Variants in SFMBT1 observed in about 807,000 individuals in gnomAD.
The protein encoded by SFMBT1 is Scm like with four mbt domains 1, also known as scm-like with four MBT domains protein 1.
In SFMBT1, 32 loss-of-function variants were observed where a neutral mutation model predicts 108.7. The observed-to-expected ratio is 0.29, with a 90% CI of 0.22 to 0.40. The LOEUF is 0.40. SFMBT1 is among the 10% of genes least tolerant of loss of function. SFMBT1 has a pLI of 1.00. For synonymous variants in SFMBT1, 348 were observed against 369.5 expected, an observed-to-expected ratio of 0.94 and a Z score of 0.67; for missense variants, 816 against 1,059.6, an observed-to-expected ratio of 0.77 and a Z score of 3.19.
chr3:52,962,797 G>C (rs886149940), intron 2 of SFMBT1, among the ~76,000 whole-genome samples: 1 of 76,692 alleles, frequency 1.3e-5, no homozygotes, highest in African/African-American at 5.4e-5. Flanking sequence ...ACAGAGCAAG[G>C]CTCCCTGTCT....
At chr3:52,945,136 T>TGAAAAAAAAAAAAAAAAAAAA in intron 3 of SFMBT1, among the ~76,000 whole-genome samples, 1 of 48,512 alleles carries the variant, frequency 2.1e-5, no homozygotes, top group South Asian at 1.3e-3. Context: ...ACCTTCCAAT[T>TGAAAAAAAAAAAAAAAAAAAA]AAAAAAAAAA....
intron 1 of SFMBT1, among the ~76,000 whole-genome samples, chr3:53,038,810 G>A (rs1457526473): frequency 6.6e-6 from 1 of 152,192 alleles, no homozygotes; most frequent in Non-Finnish European, 1.5e-5. Flanking sequence ...AAACAAGAGT[G>A]AAATATGGCA....
chr3:53,035,753 C>T (rs1214697746), intron 1 of SFMBT1, among the ~76,000 whole-genome samples: 1 of 152,186 alleles, frequency 6.6e-6, no homozygotes, highest in Non-Finnish European at 1.5e-5. Context: ...CATGTCACCA[C>T]GCCCAGCTAA....
chr3:52,956,540 G>A lies in SFMBT1; in HGVS notation c.29-2129C>T, dbSNP rs543146572. Among the ~76,000 whole-genome samples the A allele has an allele frequency of 6.8e-4, 103 of 152,010 alleles. 2 individuals carry two copies. The highest frequency in any genetic ancestry group is 3.4e-3 in the Middle Eastern group (1 of 294). ...CTTTGGAAGGCCGAGGCTGGTGGACGACAAGGTCAGGAGTTTGAGACCAGC... is the reference window on the plus strand; with the variant it reads ...CTTTGGAAGGCCGAGGCTGGTGGACAACAAGGTCAGGAGTTTGAGACCAGC... On this transcript the variant is annotated intron_variant, in intron 2 of 20. Coordinates refer to ENST00000394752, the MANE Select transcript of SFMBT1 (RefSeq NM_016329.4).
At chr3:53,004,751 C>T (rs1012670654) in intron 1 of SFMBT1, among the ~76,000 whole-genome samples, 1 of 149,916 alleles carries the variant, frequency 6.7e-6, no homozygotes, top group African/African-American at 2.4e-5. Context: ...CTTCAGGAGC[C>T]TTCATTCACC....
chr3:52,957,893 G>A (rs772146432), intron 2 of SFMBT1, among the ~76,000 whole-genome samples: 1 of 152,132 alleles, frequency 6.6e-6, no homozygotes, highest in Non-Finnish European at 1.5e-5. Context: ...TCAAGGCATA[G>A]GCATGAGCAA....
chr3:52,926,865 AAG>A (rs1281880055), intron 9 of SFMBT1, among the ~76,000 whole-genome samples: 5 of 152,048 alleles, frequency 3.3e-5, no homozygotes, highest in African/African-American at 1.2e-4. Flanking sequence ...TAGGCTACTC[AAG>A]TCTATGCCCT....
chr3:53,022,202 T>C (rs996847142), intron 1 of SFMBT1, among the ~76,000 whole-genome samples: 1 of 152,056 alleles, frequency 6.6e-6, no homozygotes, highest in Non-Finnish European at 1.5e-5. Context: ...GTAATCCCAG[T>C]GATTTGGGAG....
Position 52,926,102 on chromosome 3 carries a change from G to C in SFMBT1, c.1060C>G (p.Gln354Glu), listed in dbSNP as rs1412146966. 1 of 1,605,062 alleles carries C rather than the reference G, an allele frequency of 6.2e-7. No homozygotes were observed. The highest frequency in any genetic ancestry group is 1.7e-5 in the Admixed American group (1 of 58,426). ...AGGTAGTCAGCCCAGTCAAAGTCCT[G>C]GCTTGGGTAGCCTAGGTGGGGACAA... ...HISPPPGYPS[Q>E]DFDWADYLKQ... is the part of the protein sequence containing the mutation. The change falls in exon 10 of 21, where the codon CAG becomes GAG. Residue 354 changes from glutamine to glutamate, a missense_variant. Gln to Glu is a conservative substitution (Grantham distance 29). Transcript: ENST00000394752.
intron 9 of SFMBT1, 28 bp from the exon 10 acceptor site, chr3:52,926,141 C>A: frequency 6.3e-7 from 1 of 1,590,144 alleles, no homozygotes; most frequent in South Asian, 1.1e-5. Flanking sequence ...AACAATGAGT[C>A]ACACTACCAC....
chr3:53,028,194 G>A (rs1699560957), intron 1 of SFMBT1, among the ~76,000 whole-genome samples: 2 of 152,120 alleles, frequency 1.3e-5, no homozygotes, highest in Non-Finnish European at 2.9e-5. Context: ...TGATCTTCCT[G>A]CCTCAACCAC....
intron 2 of SFMBT1, among the ~76,000 whole-genome samples, chr3:52,955,859 C>T (rs1339468420): frequency 6.6e-6 from 1 of 152,132 alleles, no homozygotes; most frequent in Admixed American, 6.6e-5. Context: ...TTTATGAGGC[C>T]AGCATCATCC....
intron 2 of SFMBT1, among the ~76,000 whole-genome samples, chr3:52,966,493 T>C (rs1180027991): frequency 2.8e-5 from 4 of 144,442 alleles, no homozygotes; most frequent in African/African-American, 2.6e-5. Flanking sequence ...AGCGTGGTGG[T>C]GGGCGCCTGT....
In SFMBT1 at chr3:53,002,330, C is replaced by T. The variant is rs533953193; in HGVS notation, c.-130-33072G>A. On this transcript the variant is annotated intron_variant, in intron 1 of 20. Coordinates refer to ENST00000394752, the MANE Select transcript of SFMBT1 (RefSeq NM_016329.4). The stretch of plus-strand genomic sequence containing the variant: ...AGGAGAATGGCGTGAACCCGGGAGG[C>T]GAAGCTTGCAGTGAGCCAAGATCGC... 1.1e-4 allele frequency among the ~76,000 whole-genome samples: 16 copies of T among 142,632 alleles called. 2 individuals carry two copies. The highest frequency in any genetic ancestry group is 2.3e-4 in the Non-Finnish European group (15 of 65,464). 93.6% of individuals were successfully genotyped at this position (142,632 alleles called of 152,430 possible).
chr3:52,916,181 C>G lies in SFMBT1; in HGVS notation c.1449G>C (p.Leu483=). 6 of 1,614,052 alleles carry G rather than the reference C, an allele frequency of 3.7e-6. No individual in the cohort carries two copies. The highest frequency in any genetic ancestry group is 3.4e-6 in the Non-Finnish European group (4 of 1,179,986). Residue 483 remains leucine, a synonymous_variant, in exon 14 of 21, where the codon CTG becomes CTC. Coordinates refer to ENST00000394752, the MANE Select transcript of SFMBT1 (RefSeq NM_016329.4). ...VPSSRTVHEG[L]RNQELNSTES... ...CTGTGGAGTTCAGCTCCTGATTCCT[C>G]AGGCCCTCGTGGACAGTCCTCGAGG...
chr3:53,045,371 G>A (rs1198276580), intron 1 of SFMBT1: 1 of 142,794 alleles, frequency 7.0e-6, no homozygotes, highest in African/African-American at 2.5e-5. Context: ...GGCGGAGCGC[G>A]GGGCGCGCGC....
chr3:52,928,469 T>C (rs1702727240), intron 8 of SFMBT1, 128 bp from the exon 9 acceptor site: 1 of 915,094 alleles, frequency 1.1e-6, no homozygotes, highest in South Asian at 1.7e-5. Flanking sequence ...ACACTAAATG[T>C]TAGCTCTGTG....
intron 1 of SFMBT1, among the ~76,000 whole-genome samples, chr3:52,975,973 C>T (rs1704505046): frequency 6.6e-6 from 1 of 151,842 alleles, no homozygotes; most frequent in Non-Finnish European, 1.5e-5. Flanking sequence ...ATCATGCCGC[C>T]GCACTCCAAC....
intron 4 of SFMBT1, among the ~76,000 whole-genome samples, chr3:52,938,386 A>G (rs1703087077): frequency 6.6e-6 from 1 of 152,080 alleles, no homozygotes; most frequent in African/African-American, 2.4e-5. Flanking sequence ...CCGTTTACAC[A>G]TATAGTTTCT....
Sources: allele counts gnomAD v4.1 joint callset (sites outside exome capture counted in the v4.1 genomes callset), GRCh38; gene constraint gnomAD v4.1.1; transcripts MANE v1.5; gene names NCBI Gene and HGNC (gene_info 2026-07-23, HGNC 2026-07-21).